Variants in ERC1 observed in about 807,000 individuals in gnomAD.
ERC1 encodes ELKS/RAB6-interacting/CAST family member 1.
Under a neutral mutation model 132.0 loss-of-function variants are expected in ERC1, and 56 were observed. That is an observed-to-expected ratio of 0.42 (90% CI 0.34 to 0.53). The LOEUF is 0.53. Among genes scored for constraint, ERC1 ranks in the 20% least tolerant of loss-of-function variants. ERC1 has a pLI of 0.03. For synonymous variants in ERC1, 478 were observed against 476.1 expected (o/e 1.00, Z -0.05); for missense variants, 1,202 against 1,349.9 (o/e 0.89, Z 1.72).
In ERC1 at chr12:1,394,493, G is replaced by A. The variant is rs1406928363; in HGVS notation, c.2926-13656G>A. Among the ~76,000 whole-genome samples, 4 of 152,272 alleles carry A rather than the reference G, an allele frequency of 2.6e-5. No homozygotes were observed. In the East Asian group the frequency reaches 7.7e-4, roughly 29 times the overall value. On this transcript the variant is annotated intron_variant, in intron 16 of 18. Coordinates refer to ENST00000360905, the MANE Select transcript of ERC1 (RefSeq NM_178040.4). ...AACTGTACACTCAGTGATATGGTTT[G>A]GCTTTGTGTCCCCAACCAAATCTCA...
At chr12:1,463,669 C>T (rs923886015) in intron 18 of ERC1, among the ~76,000 whole-genome samples, 6 of 138,560 alleles carry the variant, frequency 4.3e-5, no homozygotes, top group Admixed American at 7.1e-5. Flanking sequence ...CGCTGGAGAA[C>T]GGGAAGAGAG....
At chr12:1,042,086 A>G (rs1054570371) in intron 2 of ERC1, among the ~76,000 whole-genome samples, 3 of 152,034 alleles carry the variant, frequency 2.0e-5, no homozygotes, top group African/African-American at 7.2e-5. Context: ...CCCAGGCTGG[A>G]GTGTGCAGTG....
At chr12:1,185,213 G>T (rs1954940825) in intron 11 of ERC1, among the ~76,000 whole-genome samples, 1 of 150,748 alleles carries the variant, frequency 6.6e-6, no homozygotes, top group African/African-American at 2.4e-5. Flanking sequence ...CTGGCCTTTT[G>T]TTTTTTTTTA....
chr12:1,229,188 T>A lies in ERC1; in HGVS notation c.2352-7581T>A, dbSNP rs141056907. Among the ~76,000 whole-genome samples the A allele has an allele frequency of 1.6e-3, 249 of 152,338 alleles. 1 individual carries two copies. Among genetic ancestry groups the A allele is most frequent in the Middle Eastern group, 6.8e-3 (2 of 294 alleles). ...TTTTGACTACTGCTTTAGTCTTCTT[T>A]CTTGTTATTGGTCTGTTCAGCTATT... is the stretch of plus-strand genomic sequence containing the variant. On this transcript the variant is annotated intron_variant, in intron 12 of 18. Transcript: ENST00000360905.
intron 7 of ERC1, among the ~76,000 whole-genome samples, chr12:1,133,159 G>T (rs200537655): frequency 1.3e-5 from 2 of 149,970 alleles, no homozygotes; most frequent in Admixed American, 6.6e-5. Flanking sequence ...CACCTGGCCG[G>T]TTTTTTTTTG....
At chr12:1,335,250 A>G (rs1356989526) in intron 15 of ERC1, among the ~76,000 whole-genome samples, 1 of 152,152 alleles carries the variant, frequency 6.6e-6, no homozygotes, top group Non-Finnish European at 1.5e-5. Context: ...CCTGTCCAGG[A>G]CCTTCAATAC....
chr12:1,000,643 G>A (rs1962059215), intron 1 of ERC1, among the ~76,000 whole-genome samples: 1 of 152,128 alleles, frequency 6.6e-6, no homozygotes. Context: ...TGTGCCTGTA[G>A]TCCTAGCTAT....
rs568072023 is a variant in ERC1 at position 1,293,384 on chromosome 12, C to T, written c.2780+3372C>T. ...GGGAGAATAGCATCAACCCAGGAGG[C>T]GGAGCTTGCAGTGAGCTGAGATCGT... On this transcript the variant is annotated intron_variant, in intron 15 of 18. Transcript: ENST00000360905. Among the ~76,000 whole-genome samples the T allele has an allele frequency of 1.0e-3, 146 of 143,302 alleles. 2 individuals are homozygous for T. Among genetic ancestry groups the T allele is most frequent in the African/African-American group, 3.4e-3 (130 of 38,668 alleles). 94.0% of individuals were successfully genotyped at this position (143,302 alleles called of 152,430 possible).
intron 18 of ERC1, among the ~76,000 whole-genome samples, chr12:1,446,961 A>C (rs924886603): frequency 2.0e-5 from 3 of 149,704 alleles, no homozygotes; most frequent in Non-Finnish European, 4.5e-5. Flanking sequence ...TCAAGGTTAC[A>C]GTAAGCTATG....
intron 5 of ERC1, among the ~76,000 whole-genome samples, chr12:1,111,796 C>T (rs1340148184): frequency 2.6e-5 from 4 of 151,676 alleles, no homozygotes; most frequent in East Asian, 3.9e-4. Context: ...TTAGTAGAGA[C>T]GGGTTTCACT....
chr12:1,029,039 T>C (rs1319068091), intron 2 of ERC1, among the ~76,000 whole-genome samples: 1 of 152,134 alleles, frequency 6.6e-6, no homozygotes, highest in East Asian at 1.9e-4. Context: ...TGTTGTCAGC[T>C]GAGAACAGAA....
intron 18 of ERC1, among the ~76,000 whole-genome samples, chr12:1,469,627 A>C (rs952633380): frequency 6.6e-6 from 1 of 152,232 alleles, no homozygotes; most frequent in African/African-American, 2.4e-5. Context: ...ACTCACAAGT[A>C]TGGAGAGCCT....
At chr12:1,270,311 G>A (rs1406786052) in intron 14 of ERC1, among the ~76,000 whole-genome samples, 6 of 152,040 alleles carry the variant, frequency 3.9e-5, no homozygotes, top group Admixed American at 3.3e-4. Context: ...GGGTTCAAGC[G>A]ATTCTTGGGC....
At position 1,023,457 on chromosome 12, in the gene ERC1, G is replaced by A. The variant is rs12367627; in HGVS notation, c.-156-4291G>A. 2.2e-3 allele frequency among the ~76,000 whole-genome samples: 332 copies of A among 152,028 alleles called. 1 individual carries two copies. The highest frequency in any genetic ancestry group is 3.1e-3 in the Non-Finnish European group (213 of 67,984). On this transcript the variant is annotated intron_variant, in intron 1 of 18. Transcript: ENST00000360905. Reference sequence around the variant, plus strand: ...AGCAGGTTTGGTTTTGGAATGGGGAGACCTTGATACGGAGTTCAGTTTGGG... The same window carrying A: ...AGCAGGTTTGGTTTTGGAATGGGGAAACCTTGATACGGAGTTCAGTTTGGG...
At chr12:1,255,591 C>T (rs1426692579) in intron 13 of ERC1, among the ~76,000 whole-genome samples, 2 of 144,274 alleles carry the variant, frequency 1.4e-5, no homozygotes, top group Non-Finnish European at 3.0e-5. Flanking sequence ...TGTTTTTCCA[C>T]AACCTCTTCA....
intron 13 of ERC1, among the ~76,000 whole-genome samples, chr12:1,248,896 A>T (rs548253353): frequency 3.7e-4 from 57 of 152,160 alleles, no homozygotes; most frequent in South Asian, 1.0e-3. Flanking sequence ...TTAAAAAAAA[A>T]TTTTTGGAGA....
intron 14 of ERC1, among the ~76,000 whole-genome samples, chr12:1,265,176 AT>A (rs1287779862): frequency 2.6e-5 from 4 of 152,072 alleles, no homozygotes; most frequent in African/African-American, 9.7e-5. Flanking sequence ...GTGGAGAGTA[AT>A]TTCCTTTAAT....
chr12:1,234,030 CATG>C (rs1338160294), intron 12 of ERC1, among the ~76,000 whole-genome samples: 1 of 152,082 alleles, frequency 6.6e-6, no homozygotes, highest in Admixed American at 6.5e-5. Context: ...GGTATAATGA[CATG>C]ATATCTGGAA....
chr12:1,455,029 A>G (rs1357998826), intron 18 of ERC1, among the ~76,000 whole-genome samples: 1 of 152,218 alleles, frequency 6.6e-6, no homozygotes, highest in Non-Finnish European at 1.5e-5. Context: ...GTGGAACACA[A>G]TTATGGTACG....
Sources: gnomAD v4.1 joint callset for allele counts (sites outside exome capture counted in the v4.1 genomes callset) on GRCh38, gnomAD v4.1.1 for gene constraint, MANE v1.5 for transcripts, NCBI Gene and HGNC (gene_info 2026-07-23, HGNC 2026-07-21) for gene names.